Variants in GRIP2 observed in about 807,000 individuals in gnomAD.
GRIP2 encodes glutamate receptor interacting protein 2.
A neutral mutation model predicts 108.3 loss-of-function variants in GRIP2; 58 were observed. The observed-to-expected ratio is 0.54, with a 90% CI of 0.43 to 0.67. The LOEUF (loss-of-function observed/expected upper bound fraction) is 0.67, where lower values mean the gene tolerates loss of function less well. Ranked by LOEUF, GRIP2 falls within the 30% of genes least tolerant of loss-of-function variation. The probability of loss-of-function intolerance (pLI) is 0.00; values close to 1 mark genes in which losing one functional copy is unlikely to be tolerated. For missense variants in GRIP2, 1,278 were observed against 1,430.6 expected (o/e 0.89, Z 1.72); for synonymous variants, 586 against 598.2 (o/e 0.98, Z 0.30).
the GRIP2 span, chr3:14,573,275 T>A: frequency 7.1e-7 from 1 of 1,411,312 alleles, no homozygotes; most frequent in Non-Finnish European, 1.0e-6. Context: ...CCACCTCTGC[T>A]CGGTACAGCA....
At chr3:14,600,503 C>A in the GRIP2 span, among the ~76,000 whole-genome samples, 2 of 152,178 alleles carry the variant, frequency 1.3e-5, no homozygotes, top group East Asian at 1.9e-4. Context: ...TTTGTTGAGG[C>A]CTTAAATTAT....
At chr3:14,599,855 A>T in the GRIP2 span, among the ~76,000 whole-genome samples, 1 of 152,016 alleles carries the variant, frequency 6.6e-6, no homozygotes, top group African/African-American at 2.4e-5. Flanking sequence ...GATCACACAC[A>T]AACACAGTCA....
Position 14,511,556 on chromosome 3 carries a change from T to A in GRIP2, c.1721-77A>T. 1 of 1,412,022 alleles carries A rather than the reference T, an allele frequency of 7.1e-7. No individual in the cohort carries two copies. 87.5% of individuals were successfully genotyped at this position (1,412,022 alleles called of 1,614,324 possible). ...GGGTGGCGAAGCCCAGGGGTCTGAGTGTGGACTCGGAGCCACTGGTCCTAC... is the reference window on the plus strand; with the variant it reads ...GGGTGGCGAAGCCCAGGGGTCTGAGAGTGGACTCGGAGCCACTGGTCCTAC... On this transcript the variant is annotated intron_variant, in intron 14 of 23. Coordinates refer to ENST00000621039, the MANE Select transcript of GRIP2 (RefSeq NM_001080423.4). The surrounding 1 kb of genome is among the most constrained non-coding windows in gnomAD (Gnocchi z 4.1).
At chr3:14,500,023 A>T (rs897650750) in intron 21 of GRIP2, among the ~76,000 whole-genome samples, 1 of 152,246 alleles carries the variant, frequency 6.6e-6, no homozygotes, top group African/African-American at 2.4e-5. Context: ...TAGAAAAATA[A>T]GAAAATAAAA....
chr3:14,548,313 G>T (rs746923999), intron 1 of GRIP2, among the ~76,000 whole-genome samples: 4 of 152,102 alleles, frequency 2.6e-5, no homozygotes, highest in African/African-American at 9.7e-5. Context: ...CACTGTGACC[G>T]GCCATGTGGA....
At chr3:14,571,793 T>C in the GRIP2 span, among the ~76,000 whole-genome samples, 2 of 152,290 alleles carry the variant, frequency 1.3e-5, no homozygotes, top group East Asian at 3.9e-4. Context: ...AGGATCTGTA[T>C]TTTTAAAGCT....
chr3:14,521,571 T>G lies in GRIP2; in HGVS notation c.712+71A>C. 2 of 1,482,176 alleles carry G rather than the reference T, an allele frequency of 1.3e-6. No homozygotes were observed. The highest frequency in any genetic ancestry group is 1.8e-6 in the Non-Finnish European group (2 of 1,102,502). The allele number at this position is 1,482,176 out of a possible 1,614,324, so 91.8% of individuals were successfully genotyped here. ...CAGCCTTTGCAGTGGTAAAGATCCATGGCCACTGCCACCTCCCCCCATCCC... is the reference window on the plus strand; with the variant it reads ...CAGCCTTTGCAGTGGTAAAGATCCAGGGCCACTGCCACCTCCCCCCATCCC... On this transcript the variant is annotated intron_variant, in intron 7 of 23. Transcript: ENST00000621039. The surrounding 1 kb of genome is among the most constrained non-coding windows in gnomAD (Gnocchi z 5.1).
chr3:14,534,821 G>A (rs988823312), intron 1 of GRIP2, among the ~76,000 whole-genome samples: 1 of 152,038 alleles, frequency 6.6e-6, no homozygotes, highest in Non-Finnish European at 1.5e-5. Context: ...ATTATCTCCC[G>A]CTCTCTGGGG....
chr3:14,578,247 A>G, the GRIP2 span, among the ~76,000 whole-genome samples: 1 of 152,210 alleles, frequency 6.6e-6, no homozygotes, highest in African/African-American at 2.4e-5. Flanking sequence ...GACCAAGAGC[A>G]CAGGGACCTG....
chr3:14,596,793 C>T, the GRIP2 span, among the ~76,000 whole-genome samples: 45 of 151,838 alleles, frequency 3.0e-4, no homozygotes, highest in African/African-American at 7.0e-4. Context: ...AAGGCTGGAG[C>T]GCAGTGGTAC....
rs1265605521 is a variant in GRIP2, at chr3:14,514,302, G to A, written c.1483C>T (p.Pro495Ser). The A allele has an allele frequency of 5.1e-6, 8 of 1,561,694 alleles. No individual in the cohort carries two copies. Among genetic ancestry groups the A allele is most frequent in the Non-Finnish European group, 6.9e-6 (8 of 1,153,780 alleles). ...GGGCAGGAGGCTCACCTCTCAGCCGGACTGTCAGGCTCGATGAAGCACACG... is the reference window on the plus strand; with the variant it reads ...GGGCAGGAGGCTCACCTCTCAGCCGAACTGTCAGGCTCGATGAAGCACACG... ...PLVCFIEPDS[P>S]AERCGLLQVG... Residue 495 changes from proline to serine, a missense_variant, in exon 12 of 24, where the codon CCG (proline) becomes TCG (serine). Coordinates refer to ENST00000621039, the MANE Select transcript of GRIP2 (RefSeq NM_001080423.4).
chr3:14,494,209 A>G (rs1693505551), intron 23 of GRIP2, among the ~76,000 whole-genome samples: 1 of 152,248 alleles, frequency 6.6e-6, no homozygotes, highest in Non-Finnish European at 1.5e-5. Context: ...CAAGGGGTGC[A>G]AGATTTTCAC....
At chr3:14,586,258 T>C in the GRIP2 span, among the ~76,000 whole-genome samples, 2 of 152,216 alleles carry the variant, frequency 1.3e-5, no homozygotes, top group African/African-American at 4.8e-5. Context: ...ACAGCACTTC[T>C]TCCCCCAGTG....
intron 5 of GRIP2, 129 bp downstream of exon 5, chr3:14,523,483 G>A: frequency 4.4e-6 from 3 of 678,958 alleles, no homozygotes; most frequent in South Asian, 1.8e-5. Context: ...TTACCTTAAC[G>A]GTCCTGTGTT....
chr3:14,506,849 C>T lies in GRIP2; in HGVS notation c.2350G>A (p.Val784Met). 6.2e-7 allele frequency: 1 copy of T among 1,607,380 alleles called. No homozygotes were observed. The highest frequency in any genetic ancestry group is 8.5e-7 in the Non-Finnish European group (1 of 1,177,068). Residue 784 changes from valine (V) to methionine (M), a missense_variant, in exon 19 of 24, where the codon GTG becomes ATG. Physicochemically the swap from Val to Met is conservative, Grantham distance 21. Coordinates refer to ENST00000621039, the MANE Select transcript of GRIP2 (RefSeq NM_001080423.4). ...SPAVPSVDSA[V>M]ESWDSSATEG... ...GTGGCCGAGCTGTCCCAAGACTCCACAGCACTGTCCACACTGGGCACAGCC... is the reference window on the plus strand; with the variant it reads ...GTGGCCGAGCTGTCCCAAGACTCCATAGCACTGTCCACACTGGGCACAGCC...
At chr3:14,496,998 G>A (rs1337941163) in intron 21 of GRIP2, among the ~76,000 whole-genome samples, 1 of 117,670 alleles carries the variant, frequency 8.5e-6, no homozygotes, top group East Asian at 2.5e-4. Context: ...TTTTGCTCTT[G>A]TTGCCCAGGC....
Position 14,514,475 on chromosome 3 carries a change from G to A in GRIP2, c.1310C>T (p.Ser437Leu), listed in dbSNP as rs756926038. The A allele has an allele frequency of 1.9e-5, 29 of 1,556,092 alleles. No individual in the cohort carries two copies. The highest frequency in any genetic ancestry group is 2.4e-5 in the East Asian group (1 of 42,282). Residue 437 changes from serine (S) to leucine (L), a missense_variant, in exon 12 of 24, where the codon TCG becomes TTG. Physicochemically the swap from Ser to Leu is moderately radical, Grantham distance 145 (BLOSUM62 -2). Transcript: ENST00000621039. ...CGGCCCCACCGTGCTGGAGGCTAGC[G>A]ACACTGTAGGACAGGTGGGCCCAGC... ...QRRREHKSSLSLASSTVGPGG... is the reference protein window; with the variant it reads ...QRRREHKSSLLLASSTVGPGG...
chr3:14,511,707 G>A lies in GRIP2; in HGVS notation c.1721-228C>T, dbSNP rs1340053606. On this transcript the variant is annotated intron_variant, in intron 14 of 23. Transcript: ENST00000621039. This position sits in a 1 kb window ranked among gnomAD's most constrained non-coding sequence, Gnocchi z 4.1. ...CAGACCTCATGGGGATGTGGTGAGA[G>A]TAAACCAGATAACACAGGCACAAGA... 6.6e-6 allele frequency among the ~76,000 whole-genome samples: 1 copy of A among 152,232 alleles called. No individual in the cohort carries two copies. The highest frequency in any genetic ancestry group is 1.5e-5 in the Non-Finnish European group (1 of 68,042).
the GRIP2 span, among the ~76,000 whole-genome samples, chr3:14,581,377 G>A: frequency 4.4e-4 from 67 of 152,286 alleles, no homozygotes; most frequent in African/African-American, 1.6e-3. Flanking sequence ...GGATGAGTTG[G>A]GTGAGAGCAG....
Sources: gnomAD v4.1 joint callset for allele counts (sites outside exome capture counted in the v4.1 genomes callset) on GRCh38, gnomAD v4.1.1 for gene constraint, Gnocchi (gnomAD v3.1) non-coding constraint, MANE v1.5 for transcripts, NCBI Gene and HGNC (gene_info 2026-07-23, HGNC 2026-07-21) for gene names.